GRM7: variants seen among roughly 807,000 people sequenced by gnomAD.
The protein encoded by GRM7 is metabotropic glutamate receptor 7.
In GRM7, 35 loss-of-function variants were observed where a neutral mutation model predicts 84.5. The ratio of observed to expected loss-of-function variants is 0.41; its 90% CI spans 0.32 to 0.55. GRM7 has a LOEUF of 0.55. Ranked by LOEUF, GRM7 falls within the 20% of genes least tolerant of loss-of-function variation. GRM7 has a pLI of 0.19. For missense variants in GRM7, 1,003 were observed against 1,194.6 expected, an observed-to-expected ratio of 0.84 and a Z score of 2.36; for synonymous variants, 487 against 455.1, an observed-to-expected ratio of 1.07 and a Z score of -0.89.
At chr3:6,976,748 C>T (rs1694013756) in intron 1 of GRM7, among the ~76,000 whole-genome samples, 2 of 152,098 alleles carry the variant, frequency 1.3e-5, no homozygotes, top group African/African-American at 4.8e-5. Context: ...CATGAGTTCA[C>T]TTTTTCTTTC....
At chr3:7,546,834 C>G (rs1463176886) in intron 7 of GRM7, among the ~76,000 whole-genome samples, 1 of 152,092 alleles carries the variant, frequency 6.6e-6, no homozygotes, top group Non-Finnish European at 1.5e-5. Flanking sequence ...ATGAACAAAA[C>G]CAAATAATTT....
intron 8 of GRM7, among the ~76,000 whole-genome samples, chr3:7,664,529 G>C (rs979645760): frequency 6.6e-6 from 1 of 152,070 alleles, no homozygotes; most frequent in South Asian, 2.1e-4. Flanking sequence ...TTTTTATTAT[G>C]CTTTAAGTTC....
intron 1 of GRM7, among the ~76,000 whole-genome samples, chr3:7,105,185 ATT>A (rs61301893): frequency 6.7e-6 from 1 of 150,290 alleles, no homozygotes; most frequent in African/African-American, 2.4e-5. Flanking sequence ...GTGGTAATGA[ATT>A]TTTTTTTTAA....
intron 1 of GRM7, among the ~76,000 whole-genome samples, chr3:6,909,982 C>T (rs2125015730): frequency 6.6e-6 from 1 of 152,012 alleles, no homozygotes; most frequent in South Asian, 2.1e-4. Flanking sequence ...GACTGATCCT[C>T]CATATATAAA....
chr3:7,682,528 CTTTA>C (rs1057195841), intron 9 of GRM7, among the ~76,000 whole-genome samples: 2 of 147,286 alleles, frequency 1.4e-5, no homozygotes, highest in Admixed American at 1.4e-4. Context: ...CCAATAACAG[CTTTA>C]TTTTTGTACA....
At chr3:7,544,651 G>C (rs183232691) in intron 7 of GRM7, among the ~76,000 whole-genome samples, 122 of 152,268 alleles carry the variant, frequency 8.0e-4, no homozygotes, top group African/African-American at 2.8e-3. Flanking sequence ...ACAGCTACCT[G>C]TTTTCATTGG....
At chr3:6,864,524 G>A (rs1395714321) in intron 1 of GRM7, among the ~76,000 whole-genome samples, 2 of 152,176 alleles carry the variant, frequency 1.3e-5, no homozygotes, top group Admixed American at 1.3e-4. Flanking sequence ...AGTGAATCTT[G>A]TCGGGGATTT....
chr3:7,300,033 A>T (rs1333665671), intron 3 of GRM7, among the ~76,000 whole-genome samples: 1 of 151,826 alleles, frequency 6.6e-6, no homozygotes, highest in Admixed American at 6.6e-5. Flanking sequence ...CTATTAAAAA[A>T]TTTCTAAGAC....
chr3:7,678,135 T>G (rs1700211300), intron 8 of GRM7, among the ~76,000 whole-genome samples: 1 of 152,114 alleles, frequency 6.6e-6, no homozygotes, highest in Admixed American at 6.5e-5. Context: ...AGTACCTGAG[T>G]GTGGAATTAT....
At chr3:7,559,497 C>T (rs533877975) in intron 7 of GRM7, among the ~76,000 whole-genome samples, 10 of 152,088 alleles carry the variant, frequency 6.6e-5, no homozygotes, top group African/African-American at 1.4e-4. Flanking sequence ...TACCAATGCC[C>T]GGGCACCATC....
At chr3:7,297,013 G>C (rs1267114849) in intron 2 of GRM7, among the ~76,000 whole-genome samples, 1 of 151,632 alleles carries the variant, frequency 6.6e-6, no homozygotes, top group East Asian at 1.9e-4. Context: ...ATTGATTTTT[G>C]CTTTACCTTT....
chr3:6,908,344 A>G (rs944160553), intron 1 of GRM7, among the ~76,000 whole-genome samples: 3 of 152,200 alleles, frequency 2.0e-5, no homozygotes, highest in Non-Finnish European at 4.4e-5. Flanking sequence ...GTGTACTTAG[A>G]TGATGTCTTC....
At chr3:6,880,800 A>G (rs1311803724) in intron 1 of GRM7, among the ~76,000 whole-genome samples, 7 of 152,162 alleles carry the variant, frequency 4.6e-5, no homozygotes, top group Non-Finnish European at 1.0e-4. Context: ...GGAGATGGCT[A>G]TGGTTTCTCC....
rs1383828808 is a variant in GRM7, at chr3:7,188,620, C to T, written c.736+41952C>T. ...AAAAGATATTGGAATAAAGGATCTA[C>T]TTGAGTGTATAAGGGTTGGGGAGAC... is the stretch of plus-strand genomic sequence containing the variant. On this transcript the variant is annotated intron_variant, in intron 2 of 9. Coordinates refer to ENST00000357716, the MANE Select transcript of GRM7 (RefSeq NM_000844.4). This position sits in a 1 kb window ranked among gnomAD's most constrained non-coding sequence, Gnocchi z 4.2. Among the ~76,000 whole-genome samples, 2 of 152,090 alleles carry T rather than the reference C, an allele frequency of 1.3e-5. No individual in the cohort carries two copies. The highest frequency in any genetic ancestry group is 3.9e-4 in the East Asian group (2 of 5,180).
At chr3:7,320,016 A>G (rs1575163120) in intron 4 of GRM7, among the ~76,000 whole-genome samples, 2 of 152,138 alleles carry the variant, frequency 1.3e-5, no homozygotes, top group Admixed American at 1.3e-4. Context: ...TAATTCTACC[A>G]TCCTCATAGA....
At chr3:7,719,494 T>C (rs1701869347) in intron 9 of GRM7, among the ~76,000 whole-genome samples, 1 of 152,146 alleles carries the variant, frequency 6.6e-6, no homozygotes, top group South Asian at 2.1e-4. Flanking sequence ...GGCAATCCCA[T>C]GTCTTGCATC....
chr3:7,375,194 G>T (rs1010740318), intron 4 of GRM7, among the ~76,000 whole-genome samples: 2 of 150,802 alleles, frequency 1.3e-5, no homozygotes, highest in Non-Finnish European at 1.5e-5. Flanking sequence ...ACCATAAACT[G>T]GCTCTCATTT....
chr3:7,219,500 A>G (rs1696727929), intron 2 of GRM7, among the ~76,000 whole-genome samples: 1 of 152,226 alleles, frequency 6.6e-6, no homozygotes, highest in South Asian at 2.1e-4. Flanking sequence ...TTTAAAAGAC[A>G]TTGCCTTCAC....
chr3:7,554,980 C>G (rs1045017302), intron 7 of GRM7, among the ~76,000 whole-genome samples: 48 of 152,162 alleles, frequency 3.2e-4, no homozygotes, highest in African/African-American at 1.1e-3. Flanking sequence ...TCAGAAAGGG[C>G]ATCTCCCAGG....
Sources: gnomAD v4.1 joint callset for allele counts (sites outside exome capture counted in the v4.1 genomes callset) on GRCh38, gnomAD v4.1.1 for gene constraint, Gnocchi (gnomAD v3.1) non-coding constraint, MANE v1.5 for transcripts, NCBI Gene and HGNC (gene_info 2026-07-23, HGNC 2026-07-21) for gene names.